ZNF536: variants seen among roughly 807,000 people sequenced by gnomAD.
ZNF536 encodes the protein zinc finger protein 536.
ZNF536 carries 13 observed loss-of-function variants against 84.5 expected under a neutral mutation model. The observed-to-expected ratio is 0.15, with a 90% confidence interval of 0.10 to 0.24. The LOEUF (loss-of-function observed/expected upper bound fraction) is 0.24, where lower values mean the gene tolerates loss of function less well. Among genes scored for constraint, ZNF536 ranks in the 10% least tolerant of loss-of-function variants. The pLI is 1.00. For synonymous variants in ZNF536, 811 were observed against 742.5 expected, an observed-to-expected ratio of 1.09 and a Z score of -1.50; for missense variants, 1,536 against 1,747.5, an observed-to-expected ratio of 0.88 and a Z score of 2.16.
chr19:30,445,837 TTG>T lies in ZNF536; in HGVS notation c.2170+106_2170+107del, dbSNP rs1176485086. On this transcript the variant is annotated intron_variant, in intron 2 of 4. Coordinates refer to ENST00000355537, the MANE Select transcript of ZNF536 (RefSeq NM_014717.3). The surrounding 1 kb of genome is among the most constrained non-coding windows in gnomAD (Gnocchi z 4.5). ...CAGTCAGTTCCAAGGCCAGTGGGTC[TTG>T]ATTGAGGACAGGGGTGGGTTGGACA... The T allele has an allele frequency of 6.5e-5, 94 of 1,438,120 alleles. No homozygotes were observed. The East Asian group carries it at 2.1e-3, about 32-fold the overall frequency. The allele number at this position is 1,438,120 out of a possible 1,614,324, so 89.1% of individuals were successfully genotyped here.
intron 2 of ZNF536, among the ~76,000 whole-genome samples, chr19:30,446,228 G>T (rs1196059314): frequency 9.4e-6 from 1 of 106,174 alleles, no homozygotes; most frequent in African/African-American, 3.8e-5. Context: ...CAGCCTGAGC[G>T]ACAGAGTGAG....
At chr19:30,682,602 G>A (rs866858980) in intron 1 of ZNF536, among the ~76,000 whole-genome samples, 1 of 152,306 alleles carries the variant, frequency 6.6e-6, no homozygotes, top group Admixed American at 6.5e-5. Context: ...ATTAAGTAAC[G>A]TTGGCAGGGG....
intron 1 of ZNF536, among the ~76,000 whole-genome samples, chr19:30,564,141 G>A (rs935796853): frequency 6.6e-6 from 1 of 151,778 alleles, no homozygotes; most frequent in African/African-American, 2.4e-5. Context: ...AGAAGGAGGA[G>A]GATTAAAGAG....
chr19:30,596,947 C>T (rs1296309593), intron 1 of ZNF536, among the ~76,000 whole-genome samples: 1 of 152,042 alleles, frequency 6.6e-6, no homozygotes, highest in African/African-American at 2.4e-5. Flanking sequence ...TTTCGGGGAG[C>T]CCATCGCTTT....
intron 1 of ZNF536, among the ~76,000 whole-genome samples, chr19:30,655,043 C>T (rs541837761): frequency 1.2e-4 from 19 of 152,296 alleles, no homozygotes; most frequent in East Asian, 1.9e-4. Flanking sequence ...GCTCCTACAA[C>T]GAAGCACTCT....
intron 2 of ZNF536, among the ~76,000 whole-genome samples, chr19:30,473,037 C>CA (rs57627848): frequency 0.014 from 1,485 of 107,338 alleles, 14 homozygotes; most frequent in Non-Finnish European, 0.021. Context: ...ACTAAGAATA[C>CA]AAAAAAAAAA....
intron 2 of ZNF536, among the ~76,000 whole-genome samples, chr19:30,311,001 C>G (rs1266193085): frequency 6.6e-6 from 1 of 152,200 alleles, no homozygotes; most frequent in Non-Finnish European, 1.5e-5. Flanking sequence ...GGAGATCCAT[C>G]GTTCCCTGAT....
intron 1 of ZNF536, among the ~76,000 whole-genome samples, chr19:30,393,466 C>G (rs2049683538): frequency 6.6e-6 from 1 of 152,192 alleles, no homozygotes; most frequent in Non-Finnish European, 1.5e-5. Context: ...CTTTATGGAG[C>G]TTACAGTCTG....
At chr19:30,578,078 C>T (rs1376897853) in intron 1 of ZNF536, among the ~76,000 whole-genome samples, 3 of 152,170 alleles carry the variant, frequency 2.0e-5, no homozygotes, top group Non-Finnish European at 4.4e-5. Flanking sequence ...ATAACTGCCT[C>T]CTGGTTCTTT....
rs2047724303 is a variant in ZNF536 at position 30,602,487 on chromosome 19, C to G, written c.169+52973C>G. On this transcript the variant is annotated intron_variant, in intron 1 of 1. Transcript: ENST00000592773. ...TTGGAGGCCTTGACAAACAGCTTCCCAATGGATACCCAAAAGTCATAACTG... is the reference window on the plus strand; with the variant it reads ...TTGGAGGCCTTGACAAACAGCTTCCGAATGGATACCCAAAAGTCATAACTG... Among the ~76,000 whole-genome samples the G allele has an allele frequency of 2.0e-5, 3 of 152,140 alleles. No homozygotes were observed. In the South Asian group the frequency reaches 6.2e-4, roughly 32 times the overall value.
At chr19:30,508,636 AG>A (rs1201823044) in intron 2 of ZNF536, among the ~76,000 whole-genome samples, 2 of 151,954 alleles carry the variant, frequency 1.3e-5, no homozygotes, top group African/African-American at 4.8e-5. Flanking sequence ...GGCCTACAAC[AG>A]AGCACCTAGG....
intron 1 of ZNF536, among the ~76,000 whole-genome samples, chr19:30,655,720 AGT>A (rs2049885255): frequency 6.6e-6 from 1 of 152,168 alleles, no homozygotes; most frequent in Admixed American, 6.5e-5. Flanking sequence ...TTTGCTCTTT[AGT>A]GTCTTTTCCT....
intron 1 of ZNF536, among the ~76,000 whole-genome samples, chr19:30,686,505 G>A (rs947822966): frequency 2.0e-5 from 3 of 152,196 alleles, no homozygotes; most frequent in South Asian, 2.1e-4. Context: ...CACAGGGCGC[G>A]GTGGCCTCCC....
At chr19:30,289,451 T>C (rs1298151311) in intron 2 of ZNF536, among the ~76,000 whole-genome samples, 1 of 152,218 alleles carries the variant, frequency 6.6e-6, no homozygotes, top group Non-Finnish European at 1.5e-5. Flanking sequence ...AAGGAGGGCA[T>C]ACCTCCACGT....
chr19:30,703,083 AGAGGCAGCTGCAT>A (rs1216409484), intron 1 of ZNF536, among the ~76,000 whole-genome samples: 3 of 152,144 alleles, frequency 2.0e-5, no homozygotes, highest in African/African-American at 7.2e-5. Flanking sequence ...TTCCCCAGGC[AGAGGCAGCTGCAT>A]GGAGGCCTGG....
At chr19:30,368,090 T>C (rs1291719500), upstream of ZNF536, among the ~76,000 whole-genome samples, 3 of 152,114 alleles carry the variant, frequency 2.0e-5, no homozygotes, top group Admixed American at 6.6e-5. Flanking sequence ...TCCCTCCTAC[T>C]CCTGTCCCTC....
intron 2 of ZNF536, among the ~76,000 whole-genome samples, chr19:30,334,589 C>T (rs779871203): frequency 6.6e-6 from 1 of 152,210 alleles, no homozygotes; most frequent in Admixed American, 6.5e-5. Context: ...TCTACAAATA[C>T]TGGCCCGTTC....
At chr19:30,568,383 C>A (rs1568562500) in intron 1 of ZNF536, among the ~76,000 whole-genome samples, 1 of 152,092 alleles carries the variant, frequency 6.6e-6, no homozygotes, top group Non-Finnish European at 1.5e-5. Context: ...CATTGTTCTG[C>A]ACAAAGAGGA....
At chr19:30,519,304 A>C (rs979475242) in intron 2 of ZNF536, among the ~76,000 whole-genome samples, 2 of 152,098 alleles carry the variant, frequency 1.3e-5, no homozygotes, top group Non-Finnish European at 2.9e-5. Flanking sequence ...TGGCTGGGGC[A>C]GGTGTGGACA....
Sources: gnomAD v4.1 joint callset for allele counts (sites outside exome capture counted in the v4.1 genomes callset) on GRCh38, gnomAD v4.1.1 for gene constraint, Gnocchi (gnomAD v3.1) non-coding constraint, MANE v1.5 for transcripts, NCBI Gene and HGNC (gene_info 2026-07-23, HGNC 2026-07-21) for gene names.